Variants in ATF7IP observed in about 807,000 individuals in gnomAD.
ATF7IP encodes the protein activating transcription factor 7 interacting protein.
In ATF7IP, 23 loss-of-function variants were observed where a neutral mutation model predicts 106.4. The observed-to-expected ratio is 0.22, with a 90% CI of 0.16 to 0.31. The LOEUF (loss-of-function observed/expected upper bound fraction) is 0.31. Ranked by LOEUF, ATF7IP falls within the 10% of genes least tolerant of loss-of-function variation. The pLI, the probability that ATF7IP is intolerant of heterozygous loss-of-function variation, is 1.00. For missense variants in ATF7IP, 1,334 were observed against 1,524.3 expected (o/e 0.88, Z 2.08); for synonymous variants, 542 against 539.0 (o/e 1.01, Z -0.08).
At chr12:14,453,069 C>T (rs371468043) in intron 6 of ATF7IP, among the ~76,000 whole-genome samples, 5 of 152,086 alleles carry the variant, frequency 3.3e-5, no homozygotes, top group East Asian at 1.9e-4. Context: ...GAGATATCTG[C>T]GTGTTATCTT....
intron 13 of ATF7IP, among the ~76,000 whole-genome samples, chr12:14,494,456 G>C (rs1286539642): frequency 7.0e-6 from 1 of 142,368 alleles, no homozygotes; most frequent in Admixed American, 7.1e-5. Context: ...TAAACTAATA[G>C]GGTATATACA....
intron 4 of ATF7IP, 27 bp from the exon 5 acceptor site, chr12:14,438,103 A>G (rs1217092419): frequency 1.2e-6 from 2 of 1,601,790 alleles, no homozygotes; most frequent in Middle Eastern, 2.0e-4. Context: ...CCTTCTTGGC[A>G]TAATGAAGGA....
chr12:14,475,146 T>G (rs1365479172), intron 10 of ATF7IP, among the ~76,000 whole-genome samples: 1 of 152,182 alleles, frequency 6.6e-6, no homozygotes, highest in Admixed American at 6.5e-5. Flanking sequence ...TTGCCATGTA[T>G]CATATATGGT....
chr12:14,407,522 A>G (rs868517793), intron 1 of ATF7IP, among the ~76,000 whole-genome samples: 2 of 152,166 alleles, frequency 1.3e-5, no homozygotes, highest in South Asian at 4.1e-4. Context: ...TCCATAATAA[A>G]TTTGTACTAT....
chr12:14,424,454 C>T lies in ATF7IP; in HGVS notation c.539C>T (p.Pro180Leu), dbSNP rs536888575. The change falls in exon 2 of 15, where the codon CCT becomes CTT. Residue 180 changes from proline to leucine, a missense_variant. This residue lies in a region of ATF7IP where 438 missense variants were observed against 405.3 expected (regional missense o/e 1.08). Transcript: ENST00000261168. ...GGTGATGCAACCTCTGGTGATGCCC[C>T]TTCTGGTGATGTGTCCCCTGGTGAT... is the stretch of plus-strand genomic sequence containing the variant. Reference protein sequence around the residue: ...ASGDATSGDAPSGDVSPGDAT... With the variant: ...ASGDATSGDALSGDVSPGDAT... The T allele has an allele frequency of 6.2e-7, 1 of 1,611,796 alleles. No homozygotes were observed. The highest frequency in any genetic ancestry group is 1.7e-5 in the Admixed American group (1 of 59,952).
chr12:14,391,212 A>T (rs1939528002), intron 1 of ATF7IP, among the ~76,000 whole-genome samples: 1 of 152,216 alleles, frequency 6.6e-6, no homozygotes, highest in Non-Finnish European at 1.5e-5. Context: ...GTGAATATGG[A>T]AATTGTGAAA....
intron 5 of ATF7IP, among the ~76,000 whole-genome samples, 193 bp from the exon 6 acceptor site, chr12:14,446,795 G>A (rs1197079883): frequency 1.3e-5 from 2 of 152,072 alleles, no homozygotes; most frequent in East Asian, 1.9e-4. Flanking sequence ...GAATTTAGGG[G>A]TCACTTAGTT....
At chr12:14,472,666 C>T (rs1398915058) in intron 10 of ATF7IP, among the ~76,000 whole-genome samples, 1 of 152,150 alleles carries the variant, frequency 6.6e-6, no homozygotes, top group Non-Finnish European at 1.5e-5. Context: ...CCATGCCATT[C>T]ACATGCTTTT....
chr12:14,372,481 A>AT (rs1253808895), intron 1 of ATF7IP, among the ~76,000 whole-genome samples: 1 of 150,964 alleles, frequency 6.6e-6, no homozygotes, highest in Admixed American at 6.6e-5. Context: ...AAAAAATACC[A>AT]TAGGCCTAAG....
chr12:14,401,996 G>C (rs898878705), intron 1 of ATF7IP, among the ~76,000 whole-genome samples: 1 of 151,636 alleles, frequency 6.6e-6, no homozygotes, highest in Non-Finnish European at 1.5e-5. Context: ...ACAGGCGTGA[G>C]CCACCGCGCC....
At chr12:14,393,071 A>G (rs1939653074) in intron 1 of ATF7IP, among the ~76,000 whole-genome samples, 1 of 152,198 alleles carries the variant, frequency 6.6e-6, no homozygotes. Context: ...TGAATAATTC[A>G]CTGTCAAGTA....
At chr12:14,414,588 G>A (rs2136511544) in intron 1 of ATF7IP, among the ~76,000 whole-genome samples, 1 of 152,290 alleles carries the variant, frequency 6.6e-6, no homozygotes, top group Non-Finnish European at 1.5e-5. Flanking sequence ...ATTGTATACT[G>A]TATATCTCTG....
In ATF7IP at chr12:14,475,894, G is replaced by A. The variant is rs916478334; in HGVS notation, c.2867G>A (p.Gly956Glu). 4 of 1,608,274 alleles carry A rather than the reference G, an allele frequency of 2.5e-6. No homozygotes were observed. Among genetic ancestry groups the A allele is most frequent in the Non-Finnish European group, 2.5e-6 (3 of 1,178,382 alleles). The change falls in exon 11 of 15, where the codon GGA (glycine) becomes GAA (glutamate). Residue 956 changes from glycine to glutamate, a missense_variant. Coordinates refer to ENST00000261168, the MANE Select transcript of ATF7IP (RefSeq NM_018179.5). ...TGTAGAAGTTTTGTTTTTCAGTGTGGAAAAGCCACTGGCAGTGATTCAAGT... is the reference window on the plus strand; with the variant it reads ...TGTAGAAGTTTTGTTTTTCAGTGTGAAAAAGCCACTGGCAGTGATTCAAGT... ...KKAADSTSQC[G>E]KATGSDSSGV...
chr12:14,416,936 A>G (rs1340268019), intron 1 of ATF7IP: 4 of 985,310 alleles, frequency 4.1e-6, no homozygotes, highest in Non-Finnish European at 4.8e-6. Flanking sequence ...GGCTGCAGCA[A>G]GCTCCCTCTT....
chr12:14,443,036 TC>T (rs1942786640), intron 5 of ATF7IP, among the ~76,000 whole-genome samples: 1 of 151,946 alleles, frequency 6.6e-6, no homozygotes, highest in African/African-American at 2.4e-5. Flanking sequence ...ATCCCTGTAA[TC>T]CCAGCTACTA....
intron 13 of ATF7IP, among the ~76,000 whole-genome samples, chr12:14,485,327 T>G (rs752056346): frequency 6.6e-6 from 1 of 151,876 alleles, no homozygotes; most frequent in Non-Finnish European, 1.5e-5. Context: ...GCCTCTTTCT[T>G]GGTTGTAGGA....
intron 1 of ATF7IP, among the ~76,000 whole-genome samples, chr12:14,396,595 T>C (rs900238136): frequency 6.6e-6 from 1 of 152,192 alleles, no homozygotes; most frequent in Non-Finnish European, 1.5e-5. Context: ...GAGAAGGTCA[T>C]GCTTCTTGGT....
chr12:14,406,141 C>G (rs1192815117), intron 1 of ATF7IP, among the ~76,000 whole-genome samples: 1 of 151,922 alleles, frequency 6.6e-6, no homozygotes, highest in African/African-American at 2.4e-5. Flanking sequence ...GCTTTATTGC[C>G]CAGGTGGAGT....
chr12:14,448,745 G>A (rs1206729265), intron 6 of ATF7IP, among the ~76,000 whole-genome samples: 1 of 152,126 alleles, frequency 6.6e-6, no homozygotes, highest in Non-Finnish European at 1.5e-5. Context: ...CTTCATAGAG[G>A]CTGCACCATT....
Sources: allele counts gnomAD v4.1 joint callset (sites outside exome capture counted in the v4.1 genomes callset), GRCh38; gene constraint gnomAD v4.1.1; regional missense constraint gnomAD v4.1.1; transcripts MANE v1.5; gene names NCBI Gene and HGNC (gene_info 2026-07-23, HGNC 2026-07-21).